Variants in PDE3B observed in about 807,000 individuals in gnomAD.
PDE3B encodes the protein cGMP-inhibited 3',5'-cyclic phosphodiesterase 3B.
A neutral mutation model predicts 116.8 loss-of-function variants in PDE3B; 66 were observed. The ratio of observed to expected loss-of-function variants is 0.56; its 90% CI spans 0.46 to 0.69. PDE3B has a LOEUF of 0.69. PDE3B is among the 30% of genes least tolerant of loss of function. The pLI is 0.00. For missense variants in PDE3B, 1,384 were observed against 1,368.1 expected (o/e 1.01, Z -0.18); for synonymous variants, 595 against 533.6 (o/e 1.12, Z -1.59).
chr11:14,896,630 C>T, the PDE3B span, among the ~76,000 whole-genome samples: 1,409 of 152,262 alleles, frequency 9.3e-3, 11 homozygotes, highest in Non-Finnish European at 0.015. Context: ...TTGTAGTCTG[C>T]ACCAAACAAC....
intron 2 of PDE3B, among the ~76,000 whole-genome samples, chr11:14,778,212 C>T (rs769228571): frequency 1.3e-5 from 2 of 152,144 alleles, no homozygotes; most frequent in Non-Finnish European, 2.9e-5. Context: ...GGAGTCCTGC[C>T]GGCCTCTGTA....
At chr11:14,743,873 G>C (rs373997104) in intron 1 of PDE3B, among the ~76,000 whole-genome samples, 1 of 152,212 alleles carries the variant, frequency 6.6e-6, no homozygotes, top group African/African-American at 2.4e-5. Context: ...GCATCTGCTC[G>C]CCCTCTGTGG....
rs189428362 is a variant in PDE3B, at chr11:14,841,075, T to C, written c.2321-2752T>C. ...TTTTGGATGAGATTAACATTTAAATTGATGGACTTTAAGTAAAGCAGATAA... is the reference window on the plus strand; with the variant it reads ...TTTTGGATGAGATTAACATTTAAATCGATGGACTTTAAGTAAAGCAGATAA... On this transcript the variant is annotated intron_variant, in intron 11 of 15. Coordinates refer to ENST00000282096, the MANE Select transcript of PDE3B (RefSeq NM_000922.4). Among the ~76,000 whole-genome samples the C allele has an allele frequency of 2.6e-4, 39 of 152,144 alleles. No homozygotes were observed. The East Asian group carries it at 7.2e-3, about 28-fold the overall frequency.
chr11:14,816,900 C>G (rs537400517), intron 5 of PDE3B, among the ~76,000 whole-genome samples: 1 of 152,156 alleles, frequency 6.6e-6, no homozygotes, highest in African/African-American at 2.4e-5. Context: ...GGATCTAGAA[C>G]TAGAAATACC....
At chr11:14,647,907 A>G (rs1853456996) in intron 1 of PDE3B, among the ~76,000 whole-genome samples, 1 of 150,776 alleles carries the variant, frequency 6.6e-6, no homozygotes, top group Non-Finnish European at 1.5e-5. Context: ...TATATGTATC[A>G]GTTCAGTTCT....
intron 1 of PDE3B, among the ~76,000 whole-genome samples, chr11:14,662,231 A>G (rs1281971444): frequency 6.6e-6 from 1 of 152,204 alleles, no homozygotes; most frequent in Admixed American, 6.5e-5. Flanking sequence ...ACTCCAACAG[A>G]CCTGCAGCTG....
chr11:14,892,058 C>A, the PDE3B span: 1 of 1,612,764 alleles, frequency 6.2e-7, no homozygotes, highest in East Asian at 2.2e-5. Context: ...TAGATGTTGC[C>A]GATAAATGGC....
chr11:14,894,747 G>A, the PDE3B span, among the ~76,000 whole-genome samples: 5 of 152,266 alleles, frequency 3.3e-5, no homozygotes, highest in African/African-American at 1.2e-4. Context: ...AGCCTTCCCT[G>A]TAACAGTTTA....
chr11:14,746,053 G>A (rs939143554), intron 1 of PDE3B, among the ~76,000 whole-genome samples: 7 of 152,206 alleles, frequency 4.6e-5, no homozygotes, highest in African/African-American at 1.7e-4. Context: ...CCACTGACAG[G>A]TCTCATCAGG....
intron 1 of PDE3B, among the ~76,000 whole-genome samples, chr11:14,681,391 G>C (rs1457789927): frequency 6.6e-6 from 1 of 152,080 alleles, no homozygotes; most frequent in Non-Finnish European, 1.5e-5. Flanking sequence ...GGTCTTTCCT[G>C]TGCTGTTCTC....
chr11:14,882,774 C>T, the PDE3B span, among the ~76,000 whole-genome samples: 3 of 152,250 alleles, frequency 2.0e-5, no homozygotes, highest in East Asian at 3.9e-4. Context: ...GATTGTATAA[C>T]GAGAAAACCC....
At chr11:14,736,559 A>C (rs1856606838) in intron 1 of PDE3B, among the ~76,000 whole-genome samples, 1 of 152,236 alleles carries the variant, frequency 6.6e-6, no homozygotes. Context: ...CCAAGATTAA[A>C]GAAGATTATA....
chr11:14,820,025 C>CA (rs1859470478), intron 7 of PDE3B, among the ~76,000 whole-genome samples: 1 of 152,074 alleles, frequency 6.6e-6, no homozygotes, highest in East Asian at 1.9e-4. Flanking sequence ...AAAGTTAAAC[C>CA]AAAAATAGAT....
intron 1 of PDE3B, among the ~76,000 whole-genome samples, chr11:14,752,578 T>C (rs192399969): frequency 2.0e-4 from 31 of 152,288 alleles, no homozygotes; most frequent in African/African-American, 6.7e-4. Flanking sequence ...TTTTATGCTA[T>C]GGAGTCATGG....
At chr11:14,706,929 T>C (rs144519949) in intron 1 of PDE3B, among the ~76,000 whole-genome samples, 12 of 151,998 alleles carry the variant, frequency 7.9e-5, no homozygotes, top group Admixed American at 3.3e-4. Flanking sequence ...ATTTCCCCCT[T>C]ACTCTGTTAT....
At chr11:14,850,905 T>G (rs1029201631) in intron 12 of PDE3B, among the ~76,000 whole-genome samples, 1 of 151,952 alleles carries the variant, frequency 6.6e-6, no homozygotes, top group African/African-American at 2.4e-5. Flanking sequence ...CTCGGCTTAC[T>G]GCAAGCTCCG....
Position 14,644,258 on chromosome 11 carries a change from G to A in PDE3B, c.183G>A (p.Pro61=). The A allele has an allele frequency of 6.4e-7, 1 of 1,567,284 alleles. No homozygotes were observed. The highest frequency in any genetic ancestry group is 2.4e-5 in the East Asian group (1 of 41,344). The change falls in exon 1 of 16, where the codon CCG becomes CCA. Residue 61 remains proline, a synonymous_variant. Coordinates refer to ENST00000282096, the MANE Select transcript of PDE3B (RefSeq NM_000922.4). ...LCRFCNVELR[P]PPASPQQPRR... Reference sequence around the variant, plus strand: ...GCTTCTGCAACGTGGAGCTGCGGCCGCCGCCGGCCTCTCCCCAGCAGCCGC... The same window carrying A: ...GCTTCTGCAACGTGGAGCTGCGGCCACCGCCGGCCTCTCCCCAGCAGCCGC...
chr11:14,708,228 C>CT (rs573629485), intron 1 of PDE3B, among the ~76,000 whole-genome samples: 1 of 151,986 alleles, frequency 6.6e-6, no homozygotes, highest in African/African-American at 2.4e-5. Flanking sequence ...TCTCTTGCTT[C>CT]TTTTTTTGTC....
intron 1 of PDE3B, among the ~76,000 whole-genome samples, chr11:14,649,990 C>G (rs1853524447): frequency 6.6e-6 from 1 of 151,570 alleles, no homozygotes; most frequent in Non-Finnish European, 1.5e-5. Context: ...CTGATCTGCA[C>G]TTATTTAGGT....
Sources: gnomAD v4.1 joint callset for allele counts (sites outside exome capture counted in the v4.1 genomes callset) on GRCh38, gnomAD v4.1.1 for gene constraint, MANE v1.5 for transcripts, NCBI Gene and HGNC (gene_info 2026-07-23, HGNC 2026-07-21) for gene names.